Variants in APBA2 observed in about 807,000 individuals in gnomAD.
The protein encoded by APBA2 is amyloid beta precursor protein binding family A member 2, also known as amyloid-beta A4 precursor protein-binding family A member 2.
A neutral mutation model predicts 75.0 loss-of-function variants in APBA2; 30 were observed. The observed-to-expected ratio is 0.40, with a 90% CI of 0.30 to 0.54. The LOEUF (loss-of-function observed/expected upper bound fraction) is 0.54. Ranked by LOEUF, APBA2 falls within the 20% of genes least tolerant of loss-of-function variation. The pLI is 0.49. For missense variants in APBA2, 801 were observed against 1,016.1 expected, an observed-to-expected ratio of 0.79 and a Z score of 2.88; for synonymous variants, 444 against 409.6, an observed-to-expected ratio of 1.08 and a Z score of -1.01.
At chr15:28,986,670 T>A (rs1215681850) in intron 2 of APBA2, among the ~76,000 whole-genome samples, 2 of 152,168 alleles carry the variant, frequency 1.3e-5, no homozygotes, top group Admixed American at 1.3e-4. Context: ...TTTCACCATG[T>A]TGGCCAGGCT....
intron 2 of APBA2, among the ~76,000 whole-genome samples, chr15:28,936,524 G>T (rs528010500): frequency 1.3e-5 from 2 of 152,234 alleles, no homozygotes; most frequent in African/African-American, 4.8e-5. Context: ...AGTGTATTTC[G>T]CAGAAGTGAT....
intron 3 of APBA2, among the ~76,000 whole-genome samples, chr15:29,049,419 C>T (rs1186324577): frequency 6.6e-6 from 1 of 152,174 alleles, no homozygotes; most frequent in Non-Finnish European, 1.5e-5. Context: ...AGAGGTTTGA[C>T]CCCTCCCATG....
intron 6 of APBA2, among the ~76,000 whole-genome samples, chr15:29,088,568 C>T (rs955945945): frequency 1.3e-5 from 2 of 152,306 alleles, no homozygotes; most frequent in Middle Eastern, 3.4e-3. Flanking sequence ...CCTAAATCCC[C>T]ATCTGTTGCT....
At chr15:29,045,753 C>T (rs969037211) in intron 3 of APBA2, among the ~76,000 whole-genome samples, 7 of 152,184 alleles carry the variant, frequency 4.6e-5, no homozygotes, top group African/African-American at 1.7e-4. Context: ...GGTGGAACAA[C>T]TGTGAGTGGG....
At chr15:29,013,524 A>C (rs1024400825) in intron 3 of APBA2, among the ~76,000 whole-genome samples, 2 of 151,520 alleles carry the variant, frequency 1.3e-5, no homozygotes, top group Admixed American at 6.6e-5. Context: ...CTCGTGATCC[A>C]CCCACCTCGG....
chr15:28,935,996 G>A (rs1229633868), intron 2 of APBA2, among the ~76,000 whole-genome samples: 1 of 152,190 alleles, frequency 6.6e-6, no homozygotes, highest in East Asian at 1.9e-4. Context: ...TCTTGATTTT[G>A]TTTTGTTACA....
intron 1 of APBA2, among the ~76,000 whole-genome samples, chr15:28,904,305 C>T (rs190505977): frequency 1.3e-5 from 2 of 152,182 alleles, no homozygotes; most frequent in African/African-American, 2.4e-5. Context: ...TTTCCACACT[C>T]ATGGACGGTT....
chr15:28,979,180 C>T (rs2037493935), intron 2 of APBA2, among the ~76,000 whole-genome samples: 1 of 152,182 alleles, frequency 6.6e-6, no homozygotes. Context: ...GGGCCTCGGG[C>T]TCCCCTCCCT....
chr15:28,898,209 T>G (rs2032630055), intron 1 of APBA2, among the ~76,000 whole-genome samples: 1 of 152,126 alleles, frequency 6.6e-6, no homozygotes, highest in Non-Finnish European at 1.5e-5. Context: ...AAGAAATGTG[T>G]TTTCAGCCAC....
At chr15:28,928,047 G>C (rs966164520) in intron 2 of APBA2, among the ~76,000 whole-genome samples, 10 of 151,418 alleles carry the variant, frequency 6.6e-5, no homozygotes, top group African/African-American at 2.4e-4. Context: ...GAGAGGCTGG[G>C]GCAGGAGAAT....
intron 6 of APBA2, among the ~76,000 whole-genome samples, chr15:29,090,645 G>A (rs2043515766): frequency 6.6e-6 from 1 of 152,216 alleles, no homozygotes; most frequent in Non-Finnish European, 1.5e-5. Context: ...GGGGCTGTGA[G>A]GCTGGGGTAC....
At chr15:28,915,345 A>G (rs1392094708) in intron 1 of APBA2, among the ~76,000 whole-genome samples, 194 of 122,418 alleles carry the variant, frequency 1.6e-3, no homozygotes, top group Non-Finnish European at 2.8e-3. Context: ...CACACCAAAC[A>G]CATGCCACAC....
chr15:28,941,750 G>A (rs905053781), intron 2 of APBA2, among the ~76,000 whole-genome samples: 3 of 151,990 alleles, frequency 2.0e-5, no homozygotes, highest in Admixed American at 6.6e-5. Flanking sequence ...CGTTTTGTTT[G>A]TTTATTTATT....
Position 29,106,798 on chromosome 15 carries a change from C to T in APBA2, c.1896C>T (p.Ala632=). 2 of 1,612,918 alleles carry T rather than the reference C, an allele frequency of 1.2e-6. No individual in the cohort carries two copies. The highest frequency in any genetic ancestry group is 1.7e-6 in the Non-Finnish European group (2 of 1,179,878). Residue 632 remains alanine (A), a synonymous_variant, in exon 12 of 15, where the codon GCC becomes GCT. Coordinates refer to ENST00000683413, the MANE Select transcript of APBA2 (RefSeq NM_001353788.2). ...NGTSLVGLPL[A]TCQGIIKGLK... is the part of the protein sequence containing the mutation. The stretch of plus-strand genomic sequence containing the variant: ...CCAGCCTGGTGGGGCTGCCCCTCGC[C>T]ACCTGCCAAGGCATCATCAAGGTAG...
chr15:29,080,089 C>T (rs1056344346), intron 6 of APBA2, among the ~76,000 whole-genome samples: 1 of 152,126 alleles, frequency 6.6e-6, no homozygotes, highest in Admixed American at 6.5e-5. Flanking sequence ...AACTCGTAGC[C>T]GAGGTCATTC....
intron 4 of APBA2, among the ~76,000 whole-genome samples, chr15:29,063,099 G>A (rs796101580): frequency 1.7e-5 from 2 of 120,242 alleles, no homozygotes; most frequent in South Asian, 7.6e-4. Flanking sequence ...GGTGCGGGGA[G>A]TTGATCTCGG....
At chr15:29,028,159 C>T (rs2040319863) in intron 3 of APBA2, among the ~76,000 whole-genome samples, 1 of 151,982 alleles carries the variant, frequency 6.6e-6, no homozygotes, top group East Asian at 1.9e-4. Context: ...TCCCCCGATC[C>T]CACCCCTGAC....
chr15:29,033,290 C>T (rs2040575673), intron 3 of APBA2, among the ~76,000 whole-genome samples: 1 of 152,186 alleles, frequency 6.6e-6, no homozygotes, highest in Admixed American at 6.5e-5. Context: ...CTTGACATTC[C>T]CTTTCCTTGG....
chr15:29,107,672 A>AG (rs1250094382), intron 12 of APBA2, among the ~76,000 whole-genome samples: 1 of 152,040 alleles, frequency 6.6e-6, no homozygotes, highest in East Asian at 1.9e-4. Context: ...TCAGCAGTTG[A>AG]GGCCCCCCCT....
Sources: gnomAD v4.1 joint callset for allele counts (sites outside exome capture counted in the v4.1 genomes callset) on GRCh38, gnomAD v4.1.1 for gene constraint, MANE v1.5 for transcripts, NCBI Gene and HGNC (gene_info 2026-07-23, HGNC 2026-07-21) for gene names.